FMNL2: variants seen among roughly 807,000 people sequenced by gnomAD.
FMNL2 encodes formin-like protein 2.
In FMNL2, 51 loss-of-function variants were observed where a neutral mutation model predicts 130.2. The observed-to-expected ratio is 0.39, with a 90% confidence interval of 0.31 to 0.49. The LOEUF (loss-of-function observed/expected upper bound fraction) is 0.49. Ranked by LOEUF, FMNL2 falls within the 20% of genes least tolerant of loss-of-function variation. The pLI, the probability that FMNL2 is intolerant of heterozygous loss-of-function variation, is 0.85. For missense variants in FMNL2, 977 were observed against 1,316.2 expected, an observed-to-expected ratio of 0.74 and a Z score of 3.99; for synonymous variants, 465 against 467.1, an observed-to-expected ratio of 1.00 and a Z score of 0.06.
intron 4 of FMNL2, among the ~76,000 whole-genome samples, chr2:152,555,391 C>T (rs1695148119): frequency 6.6e-6 from 1 of 152,208 alleles, no homozygotes; most frequent in South Asian, 2.1e-4. Flanking sequence ...TAGGACCTCT[C>T]TCTAGAGGAG....
At chr2:152,643,837 T>C (rs1232924599) in intron 25 of FMNL2, 1 of 985,312 alleles carries the variant, frequency 1.0e-6, no homozygotes, top group East Asian at 1.1e-4. Context: ...TGAGAATCAG[T>C]ATTGGTACCA....
Position 152,629,971 on chromosome 2 carries a change from G to C in FMNL2, c.2550+66G>C, listed in dbSNP as rs904159826. 5.7e-6 allele frequency: 8 copies of C among 1,413,802 alleles called. No individual in the cohort carries two copies. In the Admixed American group the frequency reaches 1.1e-4, roughly 19 times the overall value. 87.6% of individuals were successfully genotyped at this position (1,413,802 alleles called of 1,614,324 possible). On this transcript the variant is annotated intron_variant, in intron 20 of 25. Coordinates refer to ENST00000288670, the MANE Select transcript of FMNL2 (RefSeq NM_052905.4). ...AGATGGCTGGCAGAGATGAAGTTAG[G>C]GTGGTGGAGGATGTTTTGATGAATA...
Position 152,611,530 on chromosome 2 carries a change from T to A in FMNL2, c.987T>A (p.His329Gln). The change falls in exon 11 of 26, where the codon CAT (histidine) becomes CAA (glutamine). Residue 329 changes from histidine (H) to glutamine (Q), a missense_variant. His to Gln is a conservative substitution (Grantham distance 24). Coordinates refer to ENST00000288670, the MANE Select transcript of FMNL2 (RefSeq NM_052905.4). ...TGCAGTTTATTAATATTGTAGTCCA[T>A]TCAGTAGAAGATATGAATTTCAGAG... ...ASMQFINIVV[H>Q]SVEDMNFRVH... 1 of 1,599,902 alleles carries A rather than the reference T, an allele frequency of 6.3e-7. No individual in the cohort carries two copies. Among genetic ancestry groups the A allele is most frequent in the Non-Finnish European group, 8.5e-7 (1 of 1,172,038 alleles).
chr2:152,477,858 C>T (rs1365086708), intron 1 of FMNL2, among the ~76,000 whole-genome samples: 3 of 151,942 alleles, frequency 2.0e-5, no homozygotes, highest in African/African-American at 7.3e-5. Context: ...TATATACACA[C>T]AAACTATAGA....
chr2:152,637,736 T>G, intron 23 of FMNL2, 62 bp downstream of exon 23: 1 of 1,467,128 alleles, frequency 6.8e-7, no homozygotes, highest in Non-Finnish European at 9.5e-7. Context: ...GAGATGTGTC[T>G]GAGTCCCAAC....
At chr2:152,601,667 C>CTTTTTTTTTTTTTTTTTTTT (rs36031692) in intron 9 of FMNL2, among the ~76,000 whole-genome samples, 1 of 132,240 alleles carries the variant, frequency 7.6e-6, no homozygotes, top group African/African-American at 3.1e-5. Context: ...CTTTTCTTTT[C>CTTTTTTTTTTTTTTTTTTTT]TTTCTTTTTT....
At chr2:152,437,254 C>T (rs540078154) in intron 1 of FMNL2, among the ~76,000 whole-genome samples, 6 of 152,096 alleles carry the variant, frequency 3.9e-5, no homozygotes, top group South Asian at 4.1e-4. Flanking sequence ...AACATTCACT[C>T]CATAGCAGAT....
At chr2:152,550,106 C>T (rs1694854926) in intron 4 of FMNL2, among the ~76,000 whole-genome samples, 1 of 152,096 alleles carries the variant, frequency 6.6e-6, no homozygotes, top group South Asian at 2.1e-4. Context: ...AACCTTTTCC[C>T]CCCCTCATCA....
At chr2:152,626,794 G>A in intron 17 of FMNL2, 67 bp downstream of exon 17, 1 of 1,450,602 alleles carries the variant, frequency 6.9e-7, no homozygotes, top group Non-Finnish European at 9.3e-7. Context: ...TTATGAATTA[G>A]TAGATGACAA....
At chr2:152,435,562 C>T (rs1295808668) in intron 1 of FMNL2, among the ~76,000 whole-genome samples, 1 of 151,294 alleles carries the variant, frequency 6.6e-6, no homozygotes, top group Non-Finnish European at 1.5e-5. Flanking sequence ...TTAGGAAGAA[C>T]CTCAGACCAA....
intron 10 of FMNL2, among the ~76,000 whole-genome samples, chr2:152,609,714 T>C (rs1434250162): frequency 6.6e-6 from 1 of 152,176 alleles, no homozygotes; most frequent in African/African-American, 2.4e-5. Flanking sequence ...CTTCCAAAGA[T>C]ATCCAATGTA....
intron 1 of FMNL2, among the ~76,000 whole-genome samples, chr2:152,450,311 A>C (rs895916229): frequency 6.6e-6 from 1 of 152,322 alleles, no homozygotes; most frequent in South Asian, 2.1e-4. Context: ...AATCAACAAC[A>C]GTTTCCCTTC....
chr2:152,575,984 A>G (rs1272753714), intron 7 of FMNL2, among the ~76,000 whole-genome samples: 6 of 152,152 alleles, frequency 3.9e-5, no homozygotes, highest in African/African-American at 1.4e-4. Flanking sequence ...AACAAAGTGG[A>G]AGTTAGAGCC....
chr2:152,341,187 G>A (rs750552456), intron 1 of FMNL2, among the ~76,000 whole-genome samples: 42 of 152,170 alleles, frequency 2.8e-4, no homozygotes, highest in Non-Finnish European at 5.4e-4. Flanking sequence ...TGTGGAAGAG[G>A]GGTGGTGGAG....
intron 23 of FMNL2, among the ~76,000 whole-genome samples, chr2:152,638,187 C>G (rs993852669): frequency 2.6e-5 from 4 of 152,190 alleles, no homozygotes; most frequent in African/African-American, 9.7e-5. Flanking sequence ...TTGTGTGGAT[C>G]AGTAAGTGGC....
intron 4 of FMNL2, among the ~76,000 whole-genome samples, chr2:152,555,990 A>G (rs1695183509): frequency 6.6e-6 from 1 of 152,206 alleles, no homozygotes; most frequent in Admixed American, 6.6e-5. Flanking sequence ...GATTCCAGTT[A>G]CTGCTTTGAA....
intron 2 of FMNL2, among the ~76,000 whole-genome samples, chr2:152,534,304 T>C (rs1693866693): frequency 1.3e-5 from 2 of 152,156 alleles, no homozygotes; most frequent in African/African-American, 4.8e-5. Context: ...TCACTGACAA[T>C]AAAACCGCCT....
At chr2:152,409,013 C>A (rs569289595) in intron 1 of FMNL2, among the ~76,000 whole-genome samples, 2 of 149,940 alleles carry the variant, frequency 1.3e-5, no homozygotes, top group Admixed American at 6.7e-5. Flanking sequence ...TAGAAGTTTC[C>A]TGGTTAAGAG....
chr2:152,525,682 T>C (rs1693351363), intron 2 of FMNL2, among the ~76,000 whole-genome samples: 2 of 152,190 alleles, frequency 1.3e-5, no homozygotes, highest in Admixed American at 6.5e-5. Flanking sequence ...AGCAGGAAAT[T>C]GTAGCCACTT....
Sources: allele counts gnomAD v4.1 joint callset (sites outside exome capture counted in the v4.1 genomes callset), GRCh38; gene constraint gnomAD v4.1.1; transcripts MANE v1.5; gene names NCBI Gene and HGNC (gene_info 2026-07-23, HGNC 2026-07-21).